Variants in TMEM209 observed in about 807,000 individuals in gnomAD.
TMEM209 encodes the protein transmembrane protein 209, also known as testicular tissue protein Li 202.
In TMEM209, 65 loss-of-function variants were observed where a neutral mutation model predicts 76.2. That is an observed-to-expected ratio of 0.85 (90% confidence interval 0.70 to 1.05). The LOEUF is 1.05. TMEM209 is among the 50% of genes least tolerant of loss of function. The pLI, the probability that TMEM209 is intolerant of heterozygous loss-of-function variation, is 0.00. For missense variants in TMEM209, 623 were observed against 685.5 expected (o/e 0.91, Z 1.02); for synonymous variants, 239 against 237.6 (o/e 1.01, Z -0.06).
chr7:130,175,667 A>G (rs1797211904), intron 10 of TMEM209, 58 bp from the exon 11 acceptor site: 3 of 1,381,974 alleles, frequency 2.2e-6, no homozygotes, highest in Middle Eastern at 1.8e-4. Flanking sequence ...GAAAAGAAAA[A>G]AAAAGCTAAG....
chr7:130,169,418 T>C (rs1281831969), intron 14 of TMEM209, among the ~76,000 whole-genome samples: 1 of 152,176 alleles, frequency 6.6e-6, no homozygotes, highest in East Asian at 1.9e-4. Flanking sequence ...TTTAAGAACA[T>C]ATTTCACTTA....
At chr7:130,185,062 G>T in intron 7 of TMEM209, 130 bp downstream of exon 7, 1 of 1,085,534 alleles carries the variant, frequency 9.2e-7, no homozygotes, top group Non-Finnish European at 1.3e-6. Flanking sequence ...CTTTCCCACT[G>T]CCTAATGTGT....
intron 6 of TMEM209, among the ~76,000 whole-genome samples, chr7:130,189,586 T>C (rs140702250): frequency 6.6e-6 from 1 of 152,188 alleles, no homozygotes; most frequent in Non-Finnish European, 1.5e-5. Flanking sequence ...CGCAACTTCC[T>C]TTCAAATGAT....
chr7:130,187,651 T>TA (rs200046329), intron 6 of TMEM209, among the ~76,000 whole-genome samples: 2,735 of 132,524 alleles, frequency 0.021, 71 homozygotes, highest in African/African-American at 0.067. Context: ...TTGGGAGACT[T>TA]AAAAAAAAAA....
At chr7:130,174,949 A>T (rs1355856277) in intron 11 of TMEM209, among the ~76,000 whole-genome samples, 1 of 152,208 alleles carries the variant, frequency 6.6e-6, no homozygotes, top group East Asian at 1.9e-4. Flanking sequence ...AAAGCAGAAT[A>T]CATAATTTTA....
Position 130,202,512 on chromosome 7 carries a change from A to C in TMEM209, c.331+20T>G. 6.3e-7 allele frequency: 1 copy of C among 1,584,658 alleles called. No homozygotes were observed. The highest frequency in any genetic ancestry group is 1.4e-5 in the African/African-American group (1 of 73,468). On this transcript the variant is annotated intron_variant, in intron 4 of 14. Coordinates refer to ENST00000397622, the MANE Select transcript of TMEM209 (RefSeq NM_032842.4). ...TTGCCAACCTTTTCCCCACCTTTGC[A>C]AGAGATATAAAACACTCACCAGCTG...
chr7:130,201,500 A>G (rs1010949354), intron 5 of TMEM209, among the ~76,000 whole-genome samples: 7 of 152,162 alleles, frequency 4.6e-5, no homozygotes, highest in Non-Finnish European at 8.8e-5. Context: ...AACCACACTA[A>G]AACTCTAAAA....
intron 5 of TMEM209, among the ~76,000 whole-genome samples, chr7:130,195,803 T>C (rs1170760013): frequency 6.6e-6 from 1 of 152,156 alleles, no homozygotes; most frequent in Non-Finnish European, 1.5e-5. Context: ...TAGGTAGTGG[T>C]GTTCTCATCT....
intron 1 of TMEM209, 79 bp downstream of exon 1, chr7:130,205,294 A>ACAGATAAG: frequency 1.2e-6 from 2 of 1,613,272 alleles, no homozygotes; most frequent in Non-Finnish European, 1.7e-6. Flanking sequence ...TGAACCCAGG[A>ACAGATAAG]CAGATCAGCA....
At chr7:130,188,407 T>C (rs548326789) in intron 6 of TMEM209, among the ~76,000 whole-genome samples, 95 of 151,872 alleles carry the variant, frequency 6.3e-4, no homozygotes, top group Admixed American at 2.1e-3. Flanking sequence ...CCATCCTGGC[T>C]AACATGGTGA....
chr7:130,177,840 A>G (rs1392926543), intron 10 of TMEM209, among the ~76,000 whole-genome samples: 1 of 152,248 alleles, frequency 6.6e-6, no homozygotes, highest in African/African-American at 2.4e-5. Flanking sequence ...AAGGGAGAAC[A>G]CTATAATATT....
chr7:130,182,273 A>AT (rs900853151), intron 8 of TMEM209, among the ~76,000 whole-genome samples: 10 of 151,068 alleles, frequency 6.6e-5, no homozygotes, highest in Admixed American at 1.3e-4. Context: ...ACATGTTTTT[A>AT]TTTTTTTTCC....
intron 9 of TMEM209, among the ~76,000 whole-genome samples, chr7:130,180,266 G>C (rs1797365858): frequency 6.6e-6 from 1 of 152,056 alleles, no homozygotes; most frequent in Non-Finnish European, 1.5e-5. Context: ...ATTAATATCT[G>C]CTAAGAGTCT....
At chr7:130,179,302 G>C (rs1797337031) in intron 9 of TMEM209, among the ~76,000 whole-genome samples, 1 of 152,046 alleles carries the variant, frequency 6.6e-6, no homozygotes, top group Non-Finnish European at 1.5e-5. Flanking sequence ...TTCCCAGCAA[G>C]ATAGCCAGAT....
intron 7 of TMEM209, among the ~76,000 whole-genome samples, chr7:130,184,457 T>C (rs975970052): frequency 2.6e-5 from 4 of 151,970 alleles, no homozygotes; most frequent in Admixed American, 2.0e-4. Context: ...TCTTTAAAAG[T>C]TCCTTACATT....
intron 1 of TMEM209, 109 bp from the exon 2 acceptor site, chr7:130,204,219 C>T: frequency 8.3e-7 from 1 of 1,198,592 alleles, no homozygotes; most frequent in Middle Eastern, 2.1e-4. Context: ...TATACCTTCT[C>T]TCATCTTTAA....
intron 5 of TMEM209, among the ~76,000 whole-genome samples, chr7:130,197,420 C>G (rs1382905704): frequency 2.6e-5 from 4 of 152,118 alleles, no homozygotes; most frequent in African/African-American, 9.7e-5. Flanking sequence ...CTTACAGTAT[C>G]AAATTCAGAG....
At chr7:130,173,521 C>A in intron 13 of TMEM209, 111 bp downstream of exon 13, 1 of 753,404 alleles carries the variant, frequency 1.3e-6, no homozygotes, top group East Asian at 2.7e-5. Flanking sequence ...AACACATTTC[C>A]AATTTAAAAA....
At chr7:130,175,448 T>G in intron 11 of TMEM209, 64 bp downstream of exon 11, 1 of 1,466,032 alleles carries the variant, frequency 6.8e-7, no homozygotes, top group Non-Finnish European at 9.3e-7. Flanking sequence ...GGTGACAGAG[T>G]AAGACCCTGT....
Sources: gnomAD v4.1 joint callset for allele counts (sites outside exome capture counted in the v4.1 genomes callset) on GRCh38, gnomAD v4.1.1 for gene constraint, MANE v1.5 for transcripts, NCBI Gene and HGNC (gene_info 2026-07-23, HGNC 2026-07-21) for gene names.